KHDRBS2: variants seen among roughly 807,000 people sequenced by gnomAD.
KHDRBS2 encodes KH domain-containing, RNA-binding, signal transduction-associated protein 2.
Under a neutral mutation model 44.3 loss-of-function variants are expected in KHDRBS2, and 26 were observed. The observed-to-expected ratio is 0.59, with a 90% CI of 0.43 to 0.81. The LOEUF is 0.81. Among genes scored for constraint, KHDRBS2 ranks in the 40% least tolerant of loss-of-function variants. The pLI, the probability that KHDRBS2 is intolerant of heterozygous loss-of-function variation, is 0.00. For missense variants in KHDRBS2, 476 were observed against 433.1 expected (o/e 1.10, Z -0.88); for synonymous variants, 194 against 151.1 (o/e 1.28, Z -2.08).
In KHDRBS2 at chr6:62,285,862, T is replaced by G; in HGVS notation, c.87A>C (p.Ala29=). The change falls in exon 1 of 9, where the codon GCA becomes GCC. Residue 29 remains alanine, a synonymous_variant. Transcript: ENST00000281156. Reference sequence around the variant, plus strand: ...ATCTGTGGGGGCAAGTCCTACCTTCTGCCAAAAGGCGCGACGCATGCACAA... The same window carrying G: ...ATCTGTGGGGGCAAGTCCTACCTTCGGCCAAAAGGCGCGACGCATGCACAA... ...PSFVHASRLL[A]EEIEKFQGSD... The G allele has an allele frequency of 6.2e-7, 1 of 1,612,008 alleles. No homozygotes were observed. The highest frequency in any genetic ancestry group is 8.5e-7 in the Non-Finnish European group (1 of 1,178,898).
intron 2 of KHDRBS2, among the ~76,000 whole-genome samples, chr6:62,064,001 C>G (rs376467786): frequency 1.7e-3 from 255 of 147,982 alleles, no homozygotes; most frequent in Middle Eastern, 6.8e-3. Flanking sequence ...CAAACAGAGA[C>G]CCAAATCATG....
chr6:61,965,513 A>G (rs1769727227), intron 4 of KHDRBS2, among the ~76,000 whole-genome samples: 1 of 152,054 alleles, frequency 6.6e-6, no homozygotes, highest in African/African-American at 2.4e-5. Context: ...CAGTGGAGGC[A>G]AATGGGGATT....
chr6:61,738,313 C>CA (rs59974054), intron 6 of KHDRBS2, among the ~76,000 whole-genome samples: 1,632 of 152,014 alleles, frequency 0.011, 30 homozygotes, highest in African/African-American at 0.038. Flanking sequence ...ATATCTCCCA[C>CA]AAAAAAGAAA....
chr6:61,912,842 C>T (rs1806292828), intron 4 of KHDRBS2, among the ~76,000 whole-genome samples: 1 of 152,110 alleles, frequency 6.6e-6, no homozygotes. Context: ...ATATTCTTAG[C>T]AATCATGGGA....
chr6:62,263,645 G>A (rs912687615), intron 1 of KHDRBS2, among the ~76,000 whole-genome samples: 1 of 151,504 alleles, frequency 6.6e-6, no homozygotes, highest in Non-Finnish European at 1.5e-5. Flanking sequence ...CTTCACAAAG[G>A]TACATAATAT....
At chr6:61,867,129 G>T (rs959768024) in intron 6 of KHDRBS2, among the ~76,000 whole-genome samples, 2 of 152,142 alleles carry the variant, frequency 1.3e-5, no homozygotes, top group African/African-American at 4.8e-5. Context: ...TTTTCAATGT[G>T]CTGATAAAGA....
the KHDRBS2 span, among the ~76,000 whole-genome samples, chr6:61,544,589 T>C: frequency 6.6e-6 from 1 of 152,116 alleles, no homozygotes; most frequent in Non-Finnish European, 1.5e-5. Flanking sequence ...TTGAAATCAT[T>C]CATTTACTTC....
intron 7 of KHDRBS2, among the ~76,000 whole-genome samples, chr6:61,707,555 A>G (rs1769796112): frequency 6.6e-6 from 1 of 151,842 alleles, no homozygotes; most frequent in Non-Finnish European, 1.5e-5. Context: ...GTTAAATGCA[A>G]AATTACAGTG....
At chr6:61,980,497 G>A (rs1458164432) in intron 3 of KHDRBS2, among the ~76,000 whole-genome samples, 1 of 152,142 alleles carries the variant, frequency 6.6e-6, no homozygotes, top group African/African-American at 2.4e-5. Flanking sequence ...TAGAAAATAA[G>A]TCTTATGTTG....
intron 1 of KHDRBS2, among the ~76,000 whole-genome samples, chr6:62,238,402 A>G (rs1834048195): frequency 6.6e-6 from 1 of 152,086 alleles, no homozygotes; most frequent in South Asian, 2.1e-4. Context: ...TGTAATTCCA[A>G]CACTTTATTC....
intron 2 of KHDRBS2, among the ~76,000 whole-genome samples, chr6:62,093,041 G>C (rs1178039684): frequency 6.6e-6 from 1 of 151,868 alleles, no homozygotes; most frequent in Non-Finnish European, 1.5e-5. Context: ...CTTATTTTGT[G>C]TATCTTTATT....
chr6:61,947,513 A>G (rs965681763), intron 4 of KHDRBS2, among the ~76,000 whole-genome samples: 1 of 152,112 alleles, frequency 6.6e-6, no homozygotes, highest in African/African-American at 2.4e-5. Context: ...TGAAGAGGAG[A>G]AAAACAGAAG....
At chr6:62,281,084 A>C (rs1841729908) in intron 1 of KHDRBS2, among the ~76,000 whole-genome samples, 1 of 152,148 alleles carries the variant, frequency 6.6e-6, no homozygotes, top group Non-Finnish European at 1.5e-5. Flanking sequence ...AATAAATAGG[A>C]CCAGGGCTAA....
At position 61,873,762 on chromosome 6, in the gene KHDRBS2, T is replaced by C. The variant is rs555346318; in HGVS notation, c.810+20873A>G. On this transcript the variant is annotated intron_variant, in intron 6 of 8. Transcript: ENST00000281156. ...ATCAATATGAATAAACCTTAAAACT[T>C]AAAATATGCATAGTATGAGTCTCTT... 2.0e-5 allele frequency among the ~76,000 whole-genome samples: 3 copies of C among 152,156 alleles called. No individual in the cohort carries two copies. The South Asian group carries it at 6.2e-4, about 32-fold the overall frequency.
At chr6:61,843,103 C>A (rs2127273991) in intron 6 of KHDRBS2, among the ~76,000 whole-genome samples, 1 of 151,984 alleles carries the variant, frequency 6.6e-6, no homozygotes, top group South Asian at 2.1e-4. Flanking sequence ...TATACAATTC[C>A]ATTTATATGA....
chr6:61,903,668 A>G (rs1804455815), intron 4 of KHDRBS2, among the ~76,000 whole-genome samples: 1 of 152,150 alleles, frequency 6.6e-6, no homozygotes, highest in Non-Finnish European at 1.5e-5. Flanking sequence ...TGACTCTGAG[A>G]TTTGCCATGT....
chr6:61,929,055 C>T (rs567714967), intron 4 of KHDRBS2, among the ~76,000 whole-genome samples: 11 of 152,172 alleles, frequency 7.2e-5, no homozygotes, highest in African/African-American at 2.6e-4. Flanking sequence ...AATTTCCTTC[C>T]TCTAAAGATG....
chr6:61,591,473 T>A, the KHDRBS2 span, among the ~76,000 whole-genome samples: 7 of 152,182 alleles, frequency 4.6e-5, no homozygotes, highest in Non-Finnish European at 1.0e-4. Context: ...TGAATACTTC[T>A]GAGGTAGTGA....
At chr6:61,993,024 C>A (rs556378545) in intron 3 of KHDRBS2, among the ~76,000 whole-genome samples, 3 of 152,252 alleles carry the variant, frequency 2.0e-5, no homozygotes, top group African/African-American at 7.2e-5. Context: ...TACCAGGAAA[C>A]TGATATGATA....
Sources: allele counts gnomAD v4.1 joint callset (sites outside exome capture counted in the v4.1 genomes callset), GRCh38; gene constraint gnomAD v4.1.1; transcripts MANE v1.5; gene names NCBI Gene and HGNC (gene_info 2026-07-23, HGNC 2026-07-21).